Variants in PLCG1 observed in about 807,000 individuals in gnomAD.
PLCG1 encodes the protein 1-phosphatidylinositol 4,5-bisphosphate phosphodiesterase gamma-1.
A neutral mutation model predicts 177.8 loss-of-function variants in PLCG1; 71 were observed. That is an observed-to-expected ratio of 0.40 (90% CI 0.33 to 0.49). The LOEUF (loss-of-function observed/expected upper bound fraction) is 0.49. Ranked by LOEUF, PLCG1 falls within the 20% of genes least tolerant of loss-of-function variation. PLCG1 has a pLI of 0.72. For synonymous variants in PLCG1, 658 were observed against 647.9 expected (o/e 1.02, Z -0.24); for missense variants, 1,281 against 1,709.0 (o/e 0.75, Z 4.42).
Position 41,164,928 on chromosome 20 carries a change from C to T in PLCG1, c.1218-5C>T, listed in dbSNP as rs767392623. 1 of 1,612,356 alleles carries T rather than the reference C, an allele frequency of 6.2e-7. No homozygotes were observed. Among genetic ancestry groups the T allele is most frequent in the Middle Eastern group, 1.7e-4 (1 of 6,044 alleles). On this transcript the variant is annotated splice_polypyrimidine_tract_variant and splice_region_variant and intron_variant, in intron 12 of 31. Transcript: ENST00000685551. This position sits in a 1 kb window ranked among gnomAD's most constrained non-coding sequence, Gnocchi z 6.4. ...GTTTCACTGTGCTTGTCCCCCATCC[C>T]GCAGGTACCCAGTCATCCTGTCCAT...
chr20:41,152,075 AGCTCC>A lies in PLCG1; in HGVS notation c.218-7530_218-7526del, dbSNP rs911352969. 7.0e-3 allele frequency among the ~76,000 whole-genome samples: 1,068 copies of A among 152,292 alleles called. 13 individuals are homozygous for A. Among genetic ancestry groups the A allele is most frequent in the African/African-American group, 0.024 (1,011 of 41,562 alleles). Reference sequence around the variant, plus strand: ...CAGCATCCTCTGGTGGAGAAGGCTTAGCTCCATTAATGCTCTCCTAGGTCCTGGCT... The same window carrying A: ...CAGCATCCTCTGGTGGAGAAGGCTTAATTAATGCTCTCCTAGGTCCTGGCT... On this transcript the variant is annotated intron_variant, in intron 1 of 31. Transcript: ENST00000685551.
Position 41,159,595 on chromosome 20 carries a change from T to C in PLCG1, c.218-11T>C, listed in dbSNP as rs2035427827. On this transcript the variant is annotated splice_polypyrimidine_tract_variant and intron_variant, in intron 1 of 31. Transcript: ENST00000685551. The surrounding 1 kb of genome is among the most constrained non-coding windows in gnomAD (Gnocchi z 6.0). ...CCCAGCTTGATCTTGGCCTCTTTGC[T>C]ACCTTCCTAGTTGACATTCGTGAAA... is the stretch of plus-strand genomic sequence containing the variant. 1 of 1,613,332 alleles carries C rather than the reference T, an allele frequency of 6.2e-7. No individual in the cohort carries two copies. The highest frequency in any genetic ancestry group is 8.5e-7 in the Non-Finnish European group (1 of 1,179,662).
At position 41,160,037 on chromosome 20, in the gene PLCG1, G is replaced by T; in HGVS notation, c.465-69G>T. 2.5e-6 allele frequency: 4 copies of T among 1,600,866 alleles called. No individual in the cohort carries two copies. Among genetic ancestry groups the T allele is most frequent in the Non-Finnish European group, 3.4e-6 (4 of 1,167,942 alleles). On this transcript the variant is annotated intron_variant, in intron 3 of 31. Transcript: ENST00000685551. This position sits in a 1 kb window ranked among gnomAD's most constrained non-coding sequence, Gnocchi z 5.5. The stretch of plus-strand genomic sequence containing the variant: ...GGGGACAGGGACAGCAGACCTTTGT[G>T]TGCCCAGACATCTCCCAGGCCTGAC...
chr20:41,176,108 A>C lies in PLCG1; in HGVS notation c.*1599A>C, dbSNP rs942179756. 4.6e-5 allele frequency: 7 copies of C among 152,110 alleles called. No homozygotes were observed. Among genetic ancestry groups the C allele is most frequent in the African/African-American group, 1.7e-4 (7 of 41,408 alleles). 9.4% of individuals were successfully genotyped at this position (152,110 alleles called of 1,614,324 possible). A position where few individuals can be genotyped will look rare whatever the true frequency, so the allele number is the denominator to read the frequency against. ...TTGCCTCTAGGACTTGGCAGCTGAA[A>C]TCTCTGGGCCCTTTCAACACAGTTG... is the stretch of plus-strand genomic sequence containing the variant. On this transcript the variant is annotated 3_prime_UTR_variant, in exon 32 of 32. Transcript: ENST00000685551.
In PLCG1 at chr20:41,147,480, G is replaced by A. The variant is rs569956643; in HGVS notation, c.217+9622G>A. 3.3e-4 allele frequency among the ~76,000 whole-genome samples: 50 copies of A among 152,328 alleles called. No individual in the cohort carries two copies. The highest frequency in any genetic ancestry group is 8.7e-4 in the African/African-American group (36 of 41,574). On this transcript the variant is annotated intron_variant, in intron 1 of 31. Coordinates refer to ENST00000685551, the MANE Select transcript of PLCG1 (RefSeq NM_002660.3). This position sits in a 1 kb window ranked among gnomAD's most constrained non-coding sequence, Gnocchi z 4.0. ...AGCAGCTGTCCTAAGCAGGTAAAAC[G>A]ATAGGTTATTCAACTTCAACTTCAG...
At position 41,174,080 on chromosome 20, in the gene PLCG1, G is replaced by T; in HGVS notation, c.3646-44G>T. 1 of 1,605,204 alleles carries T rather than the reference G, an allele frequency of 6.2e-7. No individual in the cohort carries two copies. The highest frequency in any genetic ancestry group is 8.5e-7 in the Non-Finnish European group (1 of 1,172,176). ...GAGCCAGGCAGCAGCCTCTAGAAGT[G>T]CAGAGGAGTCATTGACCCTCTTGTG... On this transcript the variant is annotated intron_variant, in intron 30 of 31. Coordinates refer to ENST00000685551, the MANE Select transcript of PLCG1 (RefSeq NM_002660.3). This position sits in a 1 kb window ranked among gnomAD's most constrained non-coding sequence, Gnocchi z 5.8.
In PLCG1 at chr20:41,168,850, G is replaced by A; in HGVS notation, c.2463G>A (p.Val821=). ...TFIKSAIIQN[V]EKQEGGWWRG... is the part of the protein sequence containing the mutation. ...TCAAGAGCGCCATCATCCAGAATGT[G>A]GAGAAGCAAGAGGGAGGCTGGTAAG... Residue 821 remains valine, a synonymous_variant, in exon 21 of 32, where the codon GTG becomes GTA. Coordinates refer to ENST00000685551, the MANE Select transcript of PLCG1 (RefSeq NM_002660.3). 6.2e-7 allele frequency: 1 copy of A among 1,610,698 alleles called. No homozygotes were observed. Among genetic ancestry groups the A allele is most frequent in the Non-Finnish European group, 8.5e-7 (1 of 1,177,998 alleles).
In PLCG1 at chr20:41,172,766, G is replaced by C. The variant is rs766145575; in HGVS notation, c.3168G>C (p.Thr1056=). The C allele has an allele frequency of 6.2e-7, 1 of 1,614,076 alleles. No homozygotes were observed. ...PMQMNQALFM[T]GRHCGYVLQP... is the part of the protein sequence containing the mutation. ...AGATGAACCAGGCCCTCTTCATGAC[G>C]GGCAGGCACTGTGGCTACGTGCTGC... The change falls in exon 27 of 32, where the codon ACG becomes ACC. Residue 1056 remains threonine, a synonymous_variant. Coordinates refer to ENST00000685551, the MANE Select transcript of PLCG1 (RefSeq NM_002660.3). The surrounding 1 kb of genome is among the most constrained non-coding windows in gnomAD (Gnocchi z 7.0).
chr20:41,173,552 G>T lies in PLCG1; in HGVS notation c.3394+18G>T. 6.2e-7 allele frequency: 1 copy of T among 1,613,924 alleles called. No individual in the cohort carries two copies. The highest frequency in any genetic ancestry group is 8.5e-7 in the Non-Finnish European group (1 of 1,179,978). On this transcript the variant is annotated intron_variant, in intron 28 of 31. Coordinates refer to ENST00000685551, the MANE Select transcript of PLCG1 (RefSeq NM_002660.3). This position sits in a 1 kb window ranked among gnomAD's most constrained non-coding sequence, Gnocchi z 6.2. Reference sequence around the variant, plus strand: ...GTTTGTGGGTCAGTCTGTCTTCCCAGTCATCCTCCTCATCCTGCTGGGGCA... The same window carrying T: ...GTTTGTGGGTCAGTCTGTCTTCCCATTCATCCTCCTCATCCTGCTGGGGCA...
At chr20:41,162,861 C>A in intron 6 of PLCG1, 97 bp from the exon 7 acceptor site, 1 of 1,353,410 alleles carries the variant, frequency 7.4e-7, no homozygotes, top group Non-Finnish European at 1.1e-6. Flanking sequence ...CCTCTTGAGG[C>A]CTGCCCCCAT....
At chr20:41,161,045 C>T (rs556105558) in intron 4 of PLCG1, among the ~76,000 whole-genome samples, 19 of 152,174 alleles carry the variant, frequency 1.2e-4, no homozygotes, top group African/African-American at 3.4e-4. Flanking sequence ...CAGATTTTAA[C>T]TTGGGAGTAT....
At chr20:41,158,112 G>A (rs1325603979) in intron 1 of PLCG1, among the ~76,000 whole-genome samples, 3 of 152,174 alleles carry the variant, frequency 2.0e-5, no homozygotes, top group South Asian at 2.1e-4. Flanking sequence ...CGGGGAGCTA[G>A]GGTTAGGGCC....
chr20:41,164,791 C>A lies in PLCG1; in HGVS notation c.1218-142C>A. The A allele has an allele frequency of 1.3e-6, 1 of 776,998 alleles. No individual in the cohort carries two copies. The highest frequency in any genetic ancestry group is 2.0e-6 in the Non-Finnish European group (1 of 490,806). 48.1% of individuals were successfully genotyped at this position (776,998 alleles called of 1,614,324 possible). A position where few individuals can be genotyped will look rare whatever the true frequency, so the allele number is the denominator to read the frequency against. On this transcript the variant is annotated intron_variant, in intron 12 of 31. Transcript: ENST00000685551. The surrounding 1 kb of genome is among the most constrained non-coding windows in gnomAD (Gnocchi z 6.4). ...GAACCCCTCTCTGCCCCACCAGTGG[C>A]TATGGCCTGCCTCTTTTCTGGGATA...
rs1024350797 is a variant in PLCG1 at position 41,156,939 on chromosome 20, C to T, written c.218-2667C>T. Among the ~76,000 whole-genome samples, 1 of 152,218 alleles carries T rather than the reference C, an allele frequency of 6.6e-6. No individual in the cohort carries two copies. Among genetic ancestry groups the T allele is most frequent in the African/African-American group, 2.4e-5 (1 of 41,456 alleles). ...ATGCTGCCATATTTGTTCTGGGAGG[C>T]AGGAAGATGAAGGGTGAGGTTGGGA... On this transcript the variant is annotated intron_variant, in intron 1 of 31. Coordinates refer to ENST00000685551, the MANE Select transcript of PLCG1 (RefSeq NM_002660.3). The surrounding 1 kb of genome is among the most constrained non-coding windows in gnomAD (Gnocchi z 5.0).
At chr20:41,161,637 C>G (rs1418703360) in intron 4 of PLCG1, among the ~76,000 whole-genome samples, 3 of 152,146 alleles carry the variant, frequency 2.0e-5, no homozygotes, top group Non-Finnish European at 4.4e-5. Context: ...TTGATCCACT[C>G]AGTGTGGCGC....
chr20:41,163,254 GT>G lies in PLCG1; in HGVS notation c.770del (p.Phe257SerfsTer66). ...CRVSLPEFQQ[F>X]LLDYQGELWA... ...GAGTGTCCCTTCCTGAGTTCCAGCAGTTCCTTCTTGACTACCAGGGGGTATG... is the reference window on the plus strand; with the variant it reads ...GAGTGTCCCTTCCTGAGTTCCAGCAGTCCTTCTTGACTACCAGGGGGTATG... On this transcript the variant is annotated frameshift_variant, in exon 8 of 32. Transcript: ENST00000685551. LOFTEE classifies it high-confidence loss of function. This position sits in a 1 kb window ranked among gnomAD's most constrained non-coding sequence, Gnocchi z 5.2. 1 of 1,556,898 alleles carries G rather than the reference GT, an allele frequency of 6.4e-7. No homozygotes were observed. Among genetic ancestry groups the G allele is most frequent in the Non-Finnish European group, 8.7e-7 (1 of 1,153,884 alleles).
At chr20:41,170,327 G>A in intron 24 of PLCG1, 58 bp downstream of exon 24, 1 of 1,594,746 alleles carries the variant, frequency 6.3e-7, no homozygotes, top group African/African-American at 1.3e-5. Flanking sequence ...GGCAGCTGAG[G>A]CCTCCAGCTC....
In PLCG1 at chr20:41,165,037, C is replaced by T. The variant is rs1218649683; in HGVS notation, c.1322C>T (p.Pro441Leu). 1 of 1,614,062 alleles carries T rather than the reference C, an allele frequency of 6.2e-7. No homozygotes were observed. ...KVLGDTLLTK[P>L]VEISADGLPS... ...CTGGGGGACACACTCCTCACCAAGC[C>T]CGTGGAGATCTCTGCCGACGGGCTC... Residue 441 changes from proline to leucine, a missense_variant, in exon 13 of 32, where the codon CCC (proline) becomes CTC (leucine). Around this residue, in one of 4 missense-constraint regions of PLCG1, gnomAD observed 723 missense variants for 1,030.0 expected, o/e 0.70. Transcript: ENST00000685551. This position sits in a 1 kb window ranked among gnomAD's most constrained non-coding sequence, Gnocchi z 6.6.
rs200156118 is a variant in PLCG1 at position 41,163,439 on chromosome 20, C to T, written c.851C>T (p.Pro284Leu). 3.3e-5 allele frequency: 53 copies of T among 1,612,882 alleles called. No individual in the cohort carries two copies. In the East Asian group the frequency reaches 1.1e-3, roughly 33 times the overall value. The stretch of plus-strand genomic sequence containing the variant: ...TTCATGCTCAGCTTCCTCCGAGACC[C>T]CTTACGAGAGATCGAGGAGCCATAC... Reference protein sequence around the residue: ...QEFMLSFLRDPLREIEEPYFF... With the variant: ...QEFMLSFLRDLLREIEEPYFF... Residue 284 changes from proline to leucine, a missense_variant, in exon 9 of 32, where the codon CCC becomes CTC. Around this residue, in one of 4 missense-constraint regions of PLCG1, gnomAD observed 374 missense variants for 443.8 expected, o/e 0.84. Coordinates refer to ENST00000685551, the MANE Select transcript of PLCG1 (RefSeq NM_002660.3). The surrounding 1 kb of genome is among the most constrained non-coding windows in gnomAD (Gnocchi z 5.2).
Sources: gnomAD v4.1 joint callset for allele counts (sites outside exome capture counted in the v4.1 genomes callset) on GRCh38, gnomAD v4.1.1 for gene constraint, gnomAD v4.1.1 regional missense constraint, Gnocchi (gnomAD v3.1) non-coding constraint, MANE v1.5 for transcripts, NCBI Gene and HGNC (gene_info 2026-07-23, HGNC 2026-07-21) for gene names.